PDE4D: variants seen among roughly 807,000 people sequenced by gnomAD.
PDE4D encodes the protein 3',5'-cyclic-AMP phosphodiesterase 4D.
PDE4D carries 24 observed loss-of-function variants against 87.4 expected under a neutral mutation model. The ratio of observed to expected loss-of-function variants is 0.27; its 90% confidence interval spans 0.20 to 0.39. PDE4D has a LOEUF of 0.39. PDE4D is among the 10% of genes least tolerant of loss of function. The probability of loss-of-function intolerance (pLI) is 1.00; values close to 1 mark genes in which losing one functional copy is unlikely to be tolerated. For missense variants in PDE4D, 714 were observed against 1,041.0 expected, an observed-to-expected ratio of 0.69 and a Z score of 4.32; for synonymous variants, 384 against 383.2, an observed-to-expected ratio of 1.00 and a Z score of -0.02.
rs111348933 is a variant in PDE4D at position 59,218,483 on chromosome 5, T to C, written c.456-2515A>G. Among the ~76,000 whole-genome samples the C allele has an allele frequency of 5.5e-4, 84 of 152,244 alleles. 1 individual carries two copies. The highest frequency in any genetic ancestry group is 2.0e-3 in the African/African-American group (83 of 41,562). The stretch of plus-strand genomic sequence containing the variant: ...AGATAGTTATGATATTTTTAAATCT[T>C]ACAACTTTTAAGCCATAATATTAGC... On this transcript the variant is annotated intron_variant, in intron 1 of 14. Transcript: ENST00000340635.
intron 1 of PDE4D, among the ~76,000 whole-genome samples, chr5:59,746,652 T>C (rs1444813004): frequency 1.3e-5 from 2 of 152,116 alleles, no homozygotes; most frequent in South Asian, 2.1e-4. Flanking sequence ...CTCGCCAGCG[T>C]GACTCCTAGC....
chr5:59,543,830 TTC>T (rs1816787790), intron 1 of PDE4D, among the ~76,000 whole-genome samples: 1 of 152,152 alleles, frequency 6.6e-6, no homozygotes, highest in Non-Finnish European at 1.5e-5. Flanking sequence ...CTATGGAGAT[TTC>T]TTAGAGAAAA....
At chr5:59,084,849 A>T (rs939096667) in intron 5 of PDE4D, among the ~76,000 whole-genome samples, 1 of 152,206 alleles carries the variant, frequency 6.6e-6, no homozygotes, top group Non-Finnish European at 1.5e-5. Context: ...ATATTCTTGA[A>T]GCTAAATTAA....
chr5:58,969,474 T>C lies in PDE4D; in HGVS notation c.*5190A>G, dbSNP rs886060701. The C allele has an allele frequency of 1.1e-4, 17 of 152,192 alleles. No homozygotes were observed. Among genetic ancestry groups the C allele is most frequent in the Non-Finnish European group, 2.4e-4 (16 of 68,044 alleles). 9.4% of individuals were successfully genotyped at this position (152,192 alleles called of 1,614,324 possible). ...CTTGTCTGGATCCCCTTCCTCTTCC[T>C]GTCAACTTTTTCCCTAGTTACCTCT... On this transcript the variant is annotated 3_prime_UTR_variant, in exon 15 of 15. Coordinates refer to ENST00000340635, the MANE Select transcript of PDE4D (RefSeq NM_001104631.2).
intron 3 of PDE4D, among the ~76,000 whole-genome samples, chr5:59,947,936 G>A (rs922272268): frequency 6.6e-6 from 1 of 152,202 alleles, no homozygotes; most frequent in East Asian, 1.9e-4. Context: ...GAACCCAAGA[G>A]GTGGAGGTTG....
intron 1 of PDE4D, among the ~76,000 whole-genome samples, chr5:59,534,744 A>C (rs978089178): frequency 6.6e-6 from 1 of 152,208 alleles, no homozygotes; most frequent in African/African-American, 2.4e-5. Context: ...TACATATCAC[A>C]GTCTCTTTTT....
At chr5:59,791,823 T>G (rs1257314755) in intron 1 of PDE4D, among the ~76,000 whole-genome samples, 1 of 152,184 alleles carries the variant, frequency 6.6e-6, no homozygotes, top group Non-Finnish European at 1.5e-5. Context: ...TGAGTGACCT[T>G]AGGCAACTCA....
chr5:59,875,995 A>G (rs1438677398), intron 1 of PDE4D, among the ~76,000 whole-genome samples: 1 of 152,164 alleles, frequency 6.6e-6, no homozygotes, highest in Admixed American at 6.5e-5. Flanking sequence ...GGATCAAGAA[A>G]AATAACTAAT....
At chr5:60,288,782 T>A (rs1752637982) in intron 1 of PDE4D, among the ~76,000 whole-genome samples, 3 of 152,214 alleles carry the variant, frequency 2.0e-5, no homozygotes, top group African/African-American at 4.8e-5. Flanking sequence ...TTCAATCGCA[T>A]CAAATTGATT....
At chr5:59,432,077 G>T (rs1028555411) in intron 1 of PDE4D, among the ~76,000 whole-genome samples, 1 of 151,964 alleles carries the variant, frequency 6.6e-6, no homozygotes, top group Non-Finnish European at 1.5e-5. Flanking sequence ...AAATGACACA[G>T]AAATGTGAAG....
chr5:60,431,887 A>G (rs1561250196), intron 1 of PDE4D, among the ~76,000 whole-genome samples: 1 of 152,234 alleles, frequency 6.6e-6, no homozygotes, highest in Non-Finnish European at 1.5e-5. Flanking sequence ...CCCGGCCAAC[A>G]CAGCGAAACC....
chr5:59,954,144 G>C (rs1758586648), intron 3 of PDE4D, among the ~76,000 whole-genome samples: 1 of 152,152 alleles, frequency 6.6e-6, no homozygotes, highest in Non-Finnish European at 1.5e-5. Context: ...GGCTGGTCTT[G>C]AACTCCTGAC....
At chr5:59,523,472 T>G (rs1352276925) in intron 1 of PDE4D, among the ~76,000 whole-genome samples, 1 of 152,258 alleles carries the variant, frequency 6.6e-6, no homozygotes, top group Non-Finnish European at 1.5e-5. Context: ...GTTGGTTCAC[T>G]GCACAACATT....
At chr5:60,246,797 T>C (rs549928266) in intron 1 of PDE4D, among the ~76,000 whole-genome samples, 8 of 152,090 alleles carry the variant, frequency 5.3e-5, no homozygotes, top group African/African-American at 1.9e-4. Flanking sequence ...TTATGTTTTA[T>C]AGTTTGAGGT....
In PDE4D at chr5:59,636,611, C is replaced by G. The variant is rs944171068; in HGVS notation, c.455+256557G>C. Among the ~76,000 whole-genome samples the G allele has an allele frequency of 4.6e-5, 7 of 152,160 alleles. No individual in the cohort carries two copies. The East Asian group carries it at 1.3e-3, about 29-fold the overall frequency. Reference sequence around the variant, plus strand: ...CAGAAACAACACCACACATCTACAACCATCTGATCTTTGACAAACCTGACA... The same window carrying G: ...CAGAAACAACACCACACATCTACAAGCATCTGATCTTTGACAAACCTGACA... On this transcript the variant is annotated intron_variant, in intron 1 of 14. Coordinates refer to ENST00000340635, the MANE Select transcript of PDE4D (RefSeq NM_001104631.2).
chr5:59,384,002 C>T (rs611541), intron 1 of PDE4D, among the ~76,000 whole-genome samples: 57,236 of 151,764 alleles, frequency 0.38, 12,157 homozygotes, highest in African/African-American at 0.58. Context: ...AATCCTCCTG[C>T]CTCAGCTTTC....
intron 5 of PDE4D, among the ~76,000 whole-genome samples, chr5:59,095,018 T>C (rs1341027042): frequency 6.6e-6 from 1 of 152,032 alleles, no homozygotes; most frequent in African/African-American, 2.4e-5. Context: ...AAAGTACTAT[T>C]TTTTCATACA....
At chr5:60,101,311 A>C (rs1179738975) in intron 2 of PDE4D, among the ~76,000 whole-genome samples, 3 of 152,136 alleles carry the variant, frequency 2.0e-5, no homozygotes, top group African/African-American at 4.8e-5. Flanking sequence ...TCCATTTTCA[A>C]GTACTCTTAT....
chr5:59,171,749 C>T (rs150595915), intron 5 of PDE4D, among the ~76,000 whole-genome samples: 47 of 142,208 alleles, frequency 3.3e-4, no homozygotes, highest in African/African-American at 1.2e-3. Flanking sequence ...CTAGGTAGAG[C>T]CACTGGCTCT....
Sources: gnomAD v4.1 joint callset for allele counts (sites outside exome capture counted in the v4.1 genomes callset) on GRCh38, gnomAD v4.1.1 for gene constraint, MANE v1.5 for transcripts, NCBI Gene and HGNC (gene_info 2026-07-23, HGNC 2026-07-21) for gene names.